Variants in DSCAM observed in about 807,000 individuals in gnomAD.
DSCAM encodes DS cell adhesion molecule, also known as cell adhesion molecule DSCAM.
In DSCAM, 47 loss-of-function variants were observed where a neutral mutation model predicts 217.7. That is an observed-to-expected ratio of 0.22 (90% CI 0.17 to 0.28). The LOEUF is 0.28. Ranked by LOEUF, DSCAM falls within the 10% of genes least tolerant of loss-of-function variation. The pLI, the probability that DSCAM is intolerant of heterozygous loss-of-function variation, is 1.00. For missense variants in DSCAM, 2,080 were observed against 2,618.3 expected, an observed-to-expected ratio of 0.79 and a Z score of 4.49; for synonymous variants, 1,056 against 1,015.3, an observed-to-expected ratio of 1.04 and a Z score of -0.76.
chr21:40,079,971 C>G (rs1332630659), intron 25 of DSCAM, among the ~76,000 whole-genome samples, 181 bp downstream of exon 25: 1 of 151,982 alleles, frequency 6.6e-6, no homozygotes, highest in Non-Finnish European at 1.5e-5. Flanking sequence ...AAGAGAGGAC[C>G]AGAACACTCT....
At chr21:40,162,350 A>G (rs573109685) in intron 16 of DSCAM, among the ~76,000 whole-genome samples, 1 of 152,342 alleles carries the variant, frequency 6.6e-6, no homozygotes, top group African/African-American at 2.4e-5. Context: ...CAGCTGTCCC[A>G]GTTGGCCAGG....
Position 40,420,017 on chromosome 21 carries a change from T to C in DSCAM, c.509-50772A>G, listed in dbSNP as rs894505380. ...TGAGTCATTAGAGAAAAAGTGGTTA[T>C]GAAAATGACATATTAAGGGACTGAT... On this transcript the variant is annotated intron_variant, in intron 3 of 32. Coordinates refer to ENST00000400454, the MANE Select transcript of DSCAM (RefSeq NM_001389.5). 4.6e-5 allele frequency among the ~76,000 whole-genome samples: 7 copies of C among 152,138 alleles called. No individual in the cohort carries two copies. In the South Asian group the frequency reaches 6.2e-4, roughly 14 times the overall value.
chr21:40,227,157 GA>G (rs898916193), intron 11 of DSCAM, among the ~76,000 whole-genome samples: 15 of 151,186 alleles, frequency 9.9e-5, no homozygotes, highest in Admixed American at 2.6e-4. Context: ...GCTCTAGGAG[GA>G]AAAAAAAATC....
At chr21:40,824,910 C>T (rs2091956261) in intron 1 of DSCAM, among the ~76,000 whole-genome samples, 1 of 152,186 alleles carries the variant, frequency 6.6e-6, no homozygotes, top group Non-Finnish European at 1.5e-5. Context: ...TCTTTGAAGC[C>T]CTTTTTAAAT....
intron 21 of DSCAM, among the ~76,000 whole-genome samples, chr21:40,090,595 G>T (rs1475887970): frequency 2.6e-5 from 4 of 152,126 alleles, no homozygotes; most frequent in Admixed American, 6.5e-5. Context: ...TGAATCCACA[G>T]CCTAACACCC....
chr21:40,311,320 C>G (rs2074134876), intron 9 of DSCAM, among the ~76,000 whole-genome samples: 1 of 152,172 alleles, frequency 6.6e-6, no homozygotes, highest in South Asian at 2.1e-4. Context: ...TCATAAACAT[C>G]ACAGAATGTC....
intron 30 of DSCAM, among the ~76,000 whole-genome samples, chr21:40,048,425 A>AAGAC (rs1463412605): frequency 6.6e-6 from 1 of 152,210 alleles, no homozygotes; most frequent in Admixed American, 6.5e-5. Context: ...ATCCACAGGA[A>AAGAC]AGACAGAGAA....
rs534441561 is a variant in DSCAM at position 40,437,771 on chromosome 21, A to C, written c.509-68526T>G. On this transcript the variant is annotated intron_variant, in intron 3 of 32. Transcript: ENST00000400454. The stretch of plus-strand genomic sequence containing the variant: ...GAGGCTGAGGCAGAGAATTACTGGA[A>C]CCTGGGAGGCAGAGGTTGCAGTGAG... Among the ~76,000 whole-genome samples, 9 of 152,282 alleles carry C rather than the reference A, an allele frequency of 5.9e-5. No individual in the cohort carries two copies. In the East Asian group the frequency reaches 1.7e-3, roughly 29 times the overall value.
intron 16 of DSCAM, among the ~76,000 whole-genome samples, chr21:40,152,139 C>CA: frequency 6.9e-6 from 1 of 144,816 alleles, no homozygotes; most frequent in Admixed American, 6.9e-5. Context: ...ACAAAAAAAA[C>CA]AAAAAACTAA....
At chr21:40,053,819 C>T (rs1476419223) in intron 29 of DSCAM, among the ~76,000 whole-genome samples, 1 of 152,160 alleles carries the variant, frequency 6.6e-6, no homozygotes, top group Non-Finnish European at 1.5e-5. Context: ...CCCCAGTGAC[C>T]AGCTCTTGGA....
At chr21:40,323,435 G>T (rs2011177795) in intron 8 of DSCAM, among the ~76,000 whole-genome samples, 1 of 152,144 alleles carries the variant, frequency 6.6e-6, no homozygotes, top group African/African-American at 2.4e-5. Context: ...GAGAATTAGT[G>T]CTGAGTTCTC....
chr21:40,131,820 T>C (rs750094421), intron 19 of DSCAM, among the ~76,000 whole-genome samples: 9 of 152,130 alleles, frequency 5.9e-5, no homozygotes, highest in Admixed American at 5.9e-4. Context: ...TTTTCGATAG[T>C]CAATCCCAGC....
chr21:40,198,944 G>A (rs992546227), intron 11 of DSCAM, among the ~76,000 whole-genome samples: 4 of 152,200 alleles, frequency 2.6e-5, no homozygotes, highest in Non-Finnish European at 5.9e-5. Flanking sequence ...CTGAATGTCA[G>A]GACAGTACTC....
chr21:40,165,598 C>T (rs991697186), intron 16 of DSCAM, among the ~76,000 whole-genome samples: 1 of 152,208 alleles, frequency 6.6e-6, no homozygotes, highest in African/African-American at 2.4e-5. Flanking sequence ...CTGCTTTCTA[C>T]AGAGAGAGAA....
chr21:40,608,108 T>C (rs1246159781), intron 3 of DSCAM, among the ~76,000 whole-genome samples: 2 of 152,146 alleles, frequency 1.3e-5, no homozygotes, highest in Admixed American at 6.5e-5. Flanking sequence ...GCACCATAAA[T>C]GGTAGGAGGA....
At chr21:40,584,892 G>A (rs1305810984) in intron 3 of DSCAM, among the ~76,000 whole-genome samples, 1 of 152,186 alleles carries the variant, frequency 6.6e-6, no homozygotes, top group Non-Finnish European at 1.5e-5. Context: ...AGTGGGAGGT[G>A]TTTGGGTCAT....
intron 3 of DSCAM, among the ~76,000 whole-genome samples, chr21:40,401,257 TC>T (rs1475142994): frequency 6.6e-6 from 1 of 152,208 alleles, no homozygotes; most frequent in African/African-American, 2.4e-5. Flanking sequence ...CAAATGCTTT[TC>T]CTCAAAATAA....
At chr21:40,503,483 A>G (rs1012482768) in intron 3 of DSCAM, among the ~76,000 whole-genome samples, 2 of 152,198 alleles carry the variant, frequency 1.3e-5, no homozygotes, top group Admixed American at 1.3e-4. Context: ...TGCACTTATA[A>G]CAAGACTAGC....
At chr21:40,552,058 G>A (rs2076634274) in intron 3 of DSCAM, among the ~76,000 whole-genome samples, 1 of 152,138 alleles carries the variant, frequency 6.6e-6, no homozygotes, top group Non-Finnish European at 1.5e-5. Flanking sequence ...GCTCACACCT[G>A]TAATCCCAGC....
Sources: gnomAD v4.1 joint callset for allele counts (sites outside exome capture counted in the v4.1 genomes callset) on GRCh38, gnomAD v4.1.1 for gene constraint, MANE v1.5 for transcripts, NCBI Gene and HGNC (gene_info 2026-07-23, HGNC 2026-07-21) for gene names.